RELCH: variants seen among roughly 807,000 people sequenced by gnomAD.
RELCH encodes RAB11 binding and LisH domain, coiled-coil and HEAT repeat containing, also known as RAB11-binding protein RELCH.
A neutral mutation model predicts 150.3 loss-of-function variants in RELCH; 41 were observed. The ratio of observed to expected loss-of-function variants is 0.27; its 90% confidence interval spans 0.21 to 0.35. The LOEUF is 0.35. Among genes scored for constraint, RELCH ranks in the 10% least tolerant of loss-of-function variants. The probability of loss-of-function intolerance (pLI) is 1.00; values close to 1 mark genes in which losing one functional copy is unlikely to be tolerated. For missense variants in RELCH, 1,092 were observed against 1,467.8 expected (o/e 0.74, Z 4.18); for synonymous variants, 478 against 531.8 (o/e 0.90, Z 1.39).
At chr18:62,252,286 A>C (rs141647049) in intron 11 of RELCH, among the ~76,000 whole-genome samples, 2 of 151,534 alleles carry the variant, frequency 1.3e-5, no homozygotes, top group African/African-American at 4.9e-5. Context: ...GGCGTGAGCT[A>C]CTGCACCGGG....
intron 11 of RELCH, among the ~76,000 whole-genome samples, chr18:62,245,451 C>CT (rs2042356577): frequency 6.6e-6 from 1 of 152,064 alleles, no homozygotes; most frequent in Non-Finnish European, 1.5e-5. Flanking sequence ...TGGTGAAACT[C>CT]TATCTCTTCT....
At chr18:62,202,963 TAG>T (rs1233098097) in intron 1 of RELCH, among the ~76,000 whole-genome samples, 1 of 152,188 alleles carries the variant, frequency 6.6e-6, no homozygotes, top group African/African-American at 2.4e-5. Flanking sequence ...CTATGCAGGT[TAG>T]AGACTTCAGA....
chr18:62,228,213 C>T (rs1599927464), intron 7 of RELCH, 92 bp from the exon 8 acceptor site: 3 of 1,021,512 alleles, frequency 2.9e-6, no homozygotes. Context: ...TTTAAATATG[C>T]TTTTAAAACA....
At chr18:62,275,804 T>G (rs1338507681) in intron 22 of RELCH, among the ~76,000 whole-genome samples, 1 of 152,188 alleles carries the variant, frequency 6.6e-6, no homozygotes, top group Non-Finnish European at 1.5e-5. Flanking sequence ...GTAAATAAAC[T>G]GAAACAACAT....
intron 24 of RELCH, among the ~76,000 whole-genome samples, chr18:62,281,345 G>T (rs562326123): frequency 1.3e-5 from 2 of 152,266 alleles, no homozygotes; most frequent in African/African-American, 4.8e-5. Flanking sequence ...ATAAATGAAG[G>T]CAAGAGGGCA....
intron 2 of RELCH, among the ~76,000 whole-genome samples, chr18:62,213,456 C>T (rs998333218): frequency 2.6e-5 from 4 of 152,034 alleles, no homozygotes; most frequent in South Asian, 2.1e-4. Context: ...TTAGGCCGGG[C>T]GCTGTGGCTC....
At chr18:62,260,948 G>A (rs1472164140) in intron 15 of RELCH, among the ~76,000 whole-genome samples, 1 of 151,884 alleles carries the variant, frequency 6.6e-6, no homozygotes, top group East Asian at 1.9e-4. Flanking sequence ...CAGTTAGATA[G>A]AAGAAATACA....
chr18:62,301,455 A>G (rs2045660692), intron 28 of RELCH, among the ~76,000 whole-genome samples: 1 of 152,250 alleles, frequency 6.6e-6, no homozygotes, highest in Non-Finnish European at 1.5e-5. Flanking sequence ...GCCTTTGGCA[A>G]TATGTAAATA....
Position 62,266,735 on chromosome 18 carries a change from C to G in RELCH, c.2666C>G (p.Ser889Cys). Residue 889 changes from serine (S) to cysteine (C), a missense_variant, in exon 19 of 29, where the codon TCT becomes TGT. Physicochemically the swap from Ser to Cys is moderately radical, Grantham distance 112. Coordinates refer to ENST00000644646, the MANE Select transcript of RELCH (RefSeq NM_001346231.2). ...CAGTTCCAGGAGATTTTAAGACTAT[C>G]TGAAGAAAACATTGGTGAGTTTGTT... Reference protein sequence around the residue: ...KPQFQEILRLSEENIDSSAGN... With the variant: ...KPQFQEILRLCEENIDSSAGN... 1.3e-6 allele frequency: 2 copies of G among 1,596,118 alleles called. No individual in the cohort carries two copies. The highest frequency in any genetic ancestry group is 4.5e-5 in the East Asian group (2 of 44,386).
chr18:62,252,142 G>A (rs867792497), intron 11 of RELCH, among the ~76,000 whole-genome samples: 1 of 151,102 alleles, frequency 6.6e-6, no homozygotes, highest in Admixed American at 6.6e-5. Flanking sequence ...ACTACAGTCG[G>A]GTGCCACCAC....
At chr18:62,220,945 T>C in intron 2 of RELCH, 92 bp from the exon 3 acceptor site, 1 of 978,762 alleles carries the variant, frequency 1.0e-6, no homozygotes, top group Non-Finnish European at 1.6e-6. Flanking sequence ...TGTATTTTTT[T>C]TTCATACCCA....
chr18:62,273,863 C>T, intron 20 of RELCH, 117 bp from the exon 21 acceptor site: 1 of 645,856 alleles, frequency 1.5e-6, no homozygotes, highest in South Asian at 1.9e-5. Flanking sequence ...AAAATAGCTT[C>T]CAAATTTGGA....
rs141978156 is a variant in RELCH, at chr18:62,194,600, T to C, written c.526+6569T>C. Among the ~76,000 whole-genome samples the C allele has an allele frequency of 3.9e-5, 6 of 152,330 alleles. No homozygotes were observed. In the East Asian group the frequency reaches 9.7e-4, roughly 25 times the overall value. On this transcript the variant is annotated intron_variant, in intron 1 of 28. Transcript: ENST00000644646. The stretch of plus-strand genomic sequence containing the variant: ...TGTATTTGGAAGATTTCAACTAAGC[T>C]CCTGATCACACAAATTATATTGTCT...
intron 18 of RELCH, among the ~76,000 whole-genome samples, chr18:62,266,215 G>T (rs976973561): frequency 6.6e-6 from 1 of 151,804 alleles, no homozygotes; most frequent in Non-Finnish European, 1.5e-5. Context: ...TTGAAAAGTT[G>T]TAATAAAAGA....
chr18:62,231,942 G>A (rs1211819615), intron 9 of RELCH, among the ~76,000 whole-genome samples: 1 of 151,970 alleles, frequency 6.6e-6, no homozygotes, highest in African/African-American at 2.4e-5. Flanking sequence ...CAAGTTCTTT[G>A]TACAGATTAT....
intron 7 of RELCH, 70 bp downstream of exon 7, chr18:62,227,759 A>C: frequency 1.5e-6 from 1 of 670,346 alleles, no homozygotes; most frequent in Non-Finnish European, 2.5e-6. Flanking sequence ...TTATGCAAAT[A>C]TATGAAACAA....
intron 1 of RELCH, among the ~76,000 whole-genome samples, chr18:62,201,686 CATT>C (rs1226232814): frequency 6.6e-6 from 1 of 152,144 alleles, no homozygotes; most frequent in Non-Finnish European, 1.5e-5. Context: ...TTTACAAAAA[CATT>C]AATGCAAATG....
At chr18:62,230,536 T>C (rs1380203970) in intron 8 of RELCH, among the ~76,000 whole-genome samples, 1 of 152,138 alleles carries the variant, frequency 6.6e-6, no homozygotes, top group Non-Finnish European at 1.5e-5. Flanking sequence ...GTACAACTCA[T>C]AGTCATAATT....
intron 11 of RELCH, chr18:62,247,450 AAAATT>A (rs2042474250): frequency 6.6e-6 from 1 of 152,236 alleles, no homozygotes; most frequent in Non-Finnish European, 1.5e-5. Flanking sequence ...GAATGAAAAA[AAAATT>A]AAAATATGCA....
Sources: allele counts gnomAD v4.1 joint callset (sites outside exome capture counted in the v4.1 genomes callset), GRCh38; gene constraint gnomAD v4.1.1; transcripts MANE v1.5; gene names NCBI Gene and HGNC (gene_info 2026-07-23, HGNC 2026-07-21).